Variants in C18orf63 observed in about 807,000 individuals in gnomAD.
The protein encoded by C18orf63 is uncharacterized protein C18orf63.
C18orf63 carries 50 observed loss-of-function variants against 75.3 expected under a neutral mutation model. The ratio of observed to expected loss-of-function variants is 0.66; its 90% CI spans 0.53 to 0.84. C18orf63 has a LOEUF of 0.84. C18orf63 is among the 40% of genes least tolerant of loss of function. The pLI, the probability that C18orf63 is intolerant of heterozygous loss-of-function variation, is 0.00. For missense variants in C18orf63, 732 were observed against 800.2 expected, an observed-to-expected ratio of 0.91 and a Z score of 1.03; for synonymous variants, 232 against 267.6, an observed-to-expected ratio of 0.87 and a Z score of 1.30.
intron 1 of C18orf63, among the ~76,000 whole-genome samples, chr18:74,317,231 T>C (rs1984041688): frequency 6.6e-6 from 1 of 152,274 alleles, no homozygotes; most frequent in Admixed American, 6.5e-5. Context: ...TACTTTTATA[T>C]TCCAGTTTTT....
intron 7 of C18orf63, among the ~76,000 whole-genome samples, chr18:74,337,007 T>A (rs891922436): frequency 6.6e-6 from 1 of 152,026 alleles, no homozygotes; most frequent in African/African-American, 2.4e-5. Context: ...TATGGGCCTG[T>A]TTCCAGCCTT....
chr18:74,318,366 T>TGG (rs949786105), intron 2 of C18orf63, among the ~76,000 whole-genome samples: 1 of 152,158 alleles, frequency 6.6e-6, no homozygotes, highest in Non-Finnish European at 1.5e-5. Flanking sequence ...TTCCAGTAGG[T>TGG]GGGGCACTTA....
intron 6 of C18orf63, among the ~76,000 whole-genome samples, chr18:74,329,955 C>T (rs570216407): frequency 1.3e-5 from 2 of 152,256 alleles, no homozygotes; most frequent in Admixed American, 1.3e-4. Flanking sequence ...GACCTGTAAT[C>T]TACAGCTATT....
chr18:74,316,883 T>C (rs8092548), intron 1 of C18orf63, among the ~76,000 whole-genome samples: 5,549 of 152,324 alleles, frequency 0.036, 338 homozygotes, highest in African/African-American at 0.13. Context: ...CCTGAACAGA[T>C]CACTCTTGTT....
chr18:74,346,957 AAAGCCAC>A (rs1384134192), intron 11 of C18orf63, among the ~76,000 whole-genome samples: 1 of 152,254 alleles, frequency 6.6e-6, no homozygotes, highest in African/African-American at 2.4e-5. Context: ...TAATTTAACC[AAAGCCAC>A]ACAGTTAAAT....
At chr18:74,349,302 C>T (rs541926002) in intron 11 of C18orf63, among the ~76,000 whole-genome samples, 6 of 152,112 alleles carry the variant, frequency 3.9e-5, no homozygotes, top group African/African-American at 7.2e-5. Context: ...ATTTAGGAAC[C>T]CTTCTTCTCA....
intron 11 of C18orf63, among the ~76,000 whole-genome samples, chr18:74,351,213 A>G (rs866042748): frequency 3.6e-4 from 55 of 152,282 alleles, no homozygotes; most frequent in African/African-American, 1.2e-3. Flanking sequence ...AATAGTCAAC[A>G]TGGAAGGAGG....
At chr18:74,345,683 T>C (rs1453490250) in intron 11 of C18orf63, among the ~76,000 whole-genome samples, 3 of 152,250 alleles carry the variant, frequency 2.0e-5, no homozygotes, top group East Asian at 3.9e-4. Flanking sequence ...TTTGCAGCAC[T>C]ACCTTTGTCA....
intron 1 of C18orf63, among the ~76,000 whole-genome samples, chr18:74,317,567 C>G (rs1303580371): frequency 6.6e-6 from 1 of 152,096 alleles, no homozygotes; most frequent in Non-Finnish European, 1.5e-5. Flanking sequence ...ACTCTGAATA[C>G]AGTAAAAAAC....
intron 7 of C18orf63, among the ~76,000 whole-genome samples, chr18:74,336,478 G>A (rs1984393479): frequency 6.6e-6 from 1 of 151,870 alleles, no homozygotes; most frequent in Non-Finnish European, 1.5e-5. Flanking sequence ...CTCCTCTCTT[G>A]ATTTATCTGA....
At chr18:74,337,010 C>G (rs752126796) in intron 7 of C18orf63, among the ~76,000 whole-genome samples, 21 of 152,058 alleles carry the variant, frequency 1.4e-4, no homozygotes, top group Non-Finnish European at 2.8e-4. Flanking sequence ...GGGCCTGTTT[C>G]CAGCCTTTCT....
chr18:74,338,859 C>A, intron 8 of C18orf63, 35 bp downstream of exon 8: 1 of 880,028 alleles, frequency 1.1e-6, no homozygotes, highest in Non-Finnish European at 1.6e-6. Context: ...AGGGTGGGTT[C>A]AAAATATGGT....
At chr18:74,343,746 C>A in intron 11 of C18orf63, 44 bp downstream of exon 11, 1 of 1,257,360 alleles carries the variant, frequency 8.0e-7, no homozygotes, top group Non-Finnish European at 1.0e-6. Flanking sequence ...GACATACTAT[C>A]CATCTATTTT....
chr18:74,349,804 C>T (rs1282442474), intron 11 of C18orf63, among the ~76,000 whole-genome samples: 2 of 152,132 alleles, frequency 1.3e-5, no homozygotes, highest in Non-Finnish European at 2.9e-5. Flanking sequence ...AAGCTGCTAA[C>T]TCTGTAACTG....
At chr18:74,321,826 T>C (rs1383341993) in intron 3 of C18orf63, among the ~76,000 whole-genome samples, 2 of 148,426 alleles carry the variant, frequency 1.3e-5, no homozygotes, top group Non-Finnish European at 2.9e-5. Flanking sequence ...AAAGGTATTC[T>C]GTAAAAAAAA....
At chr18:74,355,511 G>T (rs1568241655) in intron 13 of C18orf63, among the ~76,000 whole-genome samples, 1 of 152,062 alleles carries the variant, frequency 6.6e-6, no homozygotes, top group African/African-American at 2.4e-5. Flanking sequence ...CCAGGAGGGG[G>T]GGCTTACACC....
rs749065717 is a variant in C18orf63 at position 74,353,355 on chromosome 18, C to G, written c.1088C>G (p.Ser363Ter). 1.3e-6 allele frequency: 2 copies of G among 1,536,454 alleles called. No homozygotes were observed. The highest frequency in any genetic ancestry group is 3.9e-5 in the Admixed American group (2 of 50,978). Residue 363 changes from serine to a stop codon, truncating the protein, a stop_gained, in exon 12 of 14, where the codon TCA (serine) becomes TGA (stop). Coordinates refer to ENST00000579455, the MANE Select transcript of C18orf63 (RefSeq NM_001174123.2). LOFTEE classifies it high-confidence loss of function. ...PACAQSLLPC[S>*]VAVDHKVELS... is the part of the protein sequence containing the mutation. ...TGTGCTCAAAGTCTTCTACCATGTT[C>G]AGTAGCAGTGGACCACAAGGTGGAG...
Position 74,353,603 on chromosome 18 carries a change from A to G in C18orf63, c.1336A>G (p.Met446Val), listed in dbSNP as rs1288518539. 1 of 1,536,238 alleles carries G rather than the reference A, an allele frequency of 6.5e-7. No homozygotes were observed. Among genetic ancestry groups the G allele is most frequent in the African/African-American group, 1.4e-5 (1 of 73,054 alleles). The change falls in exon 12 of 14, where the codon ATG (methionine) becomes GTG (valine). Residue 446 changes from methionine to valine, a missense_variant. Met to Val is a conservative substitution (Grantham distance 21). Coordinates refer to ENST00000579455, the MANE Select transcript of C18orf63 (RefSeq NM_001174123.2). ...AGTTTTCAAAAATAGATTGTTACAA[A>G]TGAACAAAAATACCTCAGTACTTGG... ...VPVFKNRLLQ[M>V]NKNTSVLGSP...
rs1228661490 is a variant in C18orf63, at chr18:74,328,186, AG to A, written c.382+129del. 6.5e-6 allele frequency: 4 copies of A among 611,686 alleles called. No homozygotes were observed. The African/African-American group carries it at 7.4e-5, about 11-fold the overall frequency. The allele number at this position is 611,686 out of a possible 1,614,324, so 37.9% of individuals were successfully genotyped here. ...TGGAAAATTTATAAAGGAAAGGTTT[AG>A]TGGATTCACAGTTCCACATGGCTGG... On this transcript the variant is annotated intron_variant, in intron 5 of 13. Transcript: ENST00000579455.
Sources: allele counts gnomAD v4.1 joint callset (sites outside exome capture counted in the v4.1 genomes callset), GRCh38; gene constraint gnomAD v4.1.1; transcripts MANE v1.5; gene names NCBI Gene and HGNC (gene_info 2026-07-23, HGNC 2026-07-21).